The following MIR17HG variants were observed in gnomAD, a reference collection of about 807,000 sequenced individuals.
MIR17HG encodes the protein MIR17 host gene (non-protein coding).
chr13:91,347,863 C>T (rs1471369006), exon 1 of MIR17HG: 2 of 150,830 alleles, frequency 1.3e-5, no homozygotes, highest in African/African-American at 4.9e-5. Context: ...CACCCCCGGC[C>T]TGGGGCCTCC....
chr13:91,352,304 G>T (rs1042488694), intron 3 of MIR17HG: 4 of 152,030 alleles, frequency 2.6e-5, no homozygotes, highest in African/African-American at 9.7e-5. Context: ...ATGTGTTTTT[G>T]TCTCTAGCCT....
At chr13:91,351,157 G>A (rs751535398) in intron 3 of MIR17HG, 3 of 525,378 alleles carry the variant, frequency 5.7e-6, no homozygotes, top group Non-Finnish European at 1.2e-5. Context: ...CTCCAGCTTC[G>A]GCCTGTCGCC....
rs746096501 is a variant in MIR17HG, at chr13:91,350,738, G to A, written n.284+512G>A. The A allele has an allele frequency of 7.5e-6, 4 of 534,060 alleles. No individual in the cohort carries two copies. In the African/African-American group the frequency reaches 7.7e-5, roughly 10 times the overall value. The allele number at this position is 534,060 out of a possible 1,614,324, so 33.1% of individuals were successfully genotyped here. A position where few individuals can be genotyped will look rare whatever the true frequency, so the allele number is the denominator to read the frequency against. ...GCTTTAAAGTGCAGGGCCTGCTGAT[G>A]TTGAGTGCTTTTTGTTCTAAGGTGC... On this transcript the variant is annotated intron_variant and non_coding_transcript_variant, in intron 3 of 3. Transcript: ENST00000400282.
chr13:91,354,395 A>C (rs1594016957), exon 4 of MIR17HG: 1 of 152,264 alleles, frequency 6.6e-6, no homozygotes, highest in South Asian at 2.1e-4. Flanking sequence ...AGAATGCTTA[A>C]TTTTCTTATC....
chr13:91,353,412 T>C (rs1875426017), intron 3 of MIR17HG, among the ~76,000 whole-genome samples: 1 of 152,192 alleles, frequency 6.6e-6, no homozygotes, highest in Admixed American at 6.5e-5. Context: ...GTATGTTTTG[T>C]TGTGGGTTTG....
chr13:91,350,030 G>T (rs1875214680), intron 2 of MIR17HG: 1 of 153,018 alleles, frequency 6.5e-6, no homozygotes, highest in African/African-American at 2.4e-5. Context: ...CCTCTTTTAA[G>T]TTGGGTGATA....
exon 4 of MIR17HG, chr13:91,353,966 T>G (rs1431448693): frequency 3.3e-5 from 5 of 152,826 alleles, no homozygotes; most frequent in Admixed American, 3.3e-4. Context: ...AGACTTGGGT[T>G]TTCTCCTGTA....
chr13:91,348,514 C>G (rs1162943122), intron 1 of MIR17HG, among the ~76,000 whole-genome samples: 2 of 151,312 alleles, frequency 1.3e-5, no homozygotes, highest in Non-Finnish European at 1.5e-5. Flanking sequence ...CGGGAGCCCG[C>G]GGTTCCCCAA....
At chr13:91,348,901 C>T (rs1194111221) in intron 1 of MIR17HG, among the ~76,000 whole-genome samples, 1 of 149,154 alleles carries the variant, frequency 6.7e-6, no homozygotes, top group Admixed American at 6.6e-5. Flanking sequence ...GCCGCGGAGC[C>T]CCCGCCCCTC....
chr13:91,348,451 G>C (rs998530460), intron 1 of MIR17HG, among the ~76,000 whole-genome samples: 1 of 151,006 alleles, frequency 6.6e-6, no homozygotes, highest in Non-Finnish European at 1.5e-5. Context: ...CCGCGGGCCG[G>C]GAGGGGGCGC....
intron 1 of MIR17HG, among the ~76,000 whole-genome samples, chr13:91,348,788 G>T (rs1012717093): frequency 1.3e-5 from 2 of 150,228 alleles, no homozygotes; most frequent in African/African-American, 4.9e-5. Flanking sequence ...TGTTCCTGCG[G>T]GGCGGGCTGC....
At chr13:91,354,555 T>C (rs1473495898) in exon 4 of MIR17HG, 1 of 152,186 alleles carries the variant, frequency 6.6e-6, no homozygotes. Flanking sequence ...AACGAGAATA[T>C]TGAAATAAAA....
chr13:91,348,835 C>T (rs552942800), intron 1 of MIR17HG, among the ~76,000 whole-genome samples: 4 of 149,558 alleles, frequency 2.7e-5, no homozygotes, highest in Non-Finnish European at 4.5e-5. Context: ...GGCGACTGCG[C>T]GCCGCCGCCG....
intron 3 of MIR17HG, among the ~76,000 whole-genome samples, chr13:91,353,109 CAAAAAAAA>C (rs549062236): frequency 1.2e-3 from 36 of 28,884 alleles, no homozygotes; most frequent in African/African-American, 3.1e-3. Context: ...GACTTAAACG[CAAAAAAAA>C]AAAAAAAAAA....
chr13:91,348,055 G>T (rs1255637529), intron 1 of MIR17HG: 1 of 149,262 alleles, frequency 6.7e-6, no homozygotes, highest in South Asian at 1.9e-4. Flanking sequence ...GGACTGGCCC[G>T]GGGCAGCGTG....
chr13:91,350,078 TA>T (rs1237341062), intron 2 of MIR17HG: 1 of 156,912 alleles, frequency 6.4e-6, no homozygotes, highest in East Asian at 1.9e-4. Flanking sequence ...TTAAACAGGA[TA>T]TTTACGTTCT....
intron 3 of MIR17HG, among the ~76,000 whole-genome samples, chr13:91,353,109 C>T: frequency 3.5e-5 from 1 of 28,886 alleles, no homozygotes; most frequent in South Asian, 1.5e-3. Flanking sequence ...GACTTAAACG[C>T]AAAAAAAAAA....
At chr13:91,352,385 G>A (rs1875359888) in intron 3 of MIR17HG, 1 of 152,102 alleles carries the variant, frequency 6.6e-6, no homozygotes, top group Non-Finnish European at 1.5e-5. Flanking sequence ...GTAAAATTGG[G>A]CCCAAGCTGA....
intron 3 of MIR17HG, among the ~76,000 whole-genome samples, chr13:91,352,644 C>T (rs1171199982): frequency 6.6e-6 from 1 of 152,170 alleles, no homozygotes; most frequent in Non-Finnish European, 1.5e-5. Context: ...AGAATTCTAT[C>T]ATTCTGGAGT....
Sources: allele counts gnomAD v4.1 joint callset (sites outside exome capture counted in the v4.1 genomes callset), GRCh38; gene constraint gnomAD v4.1.1; transcripts MANE v1.5; gene names NCBI Gene and HGNC (gene_info 2026-07-23, HGNC 2026-07-21).